The following SERPINB7 variants were observed in gnomAD, a reference collection of about 807,000 sequenced individuals.
The protein encoded by SERPINB7 is serpin B7.
A neutral mutation model predicts 37.4 loss-of-function variants in SERPINB7; 31 were observed. The observed-to-expected ratio is 0.83, with a 90% CI of 0.62 to 1.12. The LOEUF is 1.12. Ranked by LOEUF, SERPINB7 falls within the 50% of genes most tolerant of loss-of-function variation. The pLI, the probability that SERPINB7 is intolerant of heterozygous loss-of-function variation, is 0.00. For synonymous variants in SERPINB7, 163 were observed against 166.1 expected (o/e 0.98, Z 0.14); for missense variants, 521 against 455.3 (o/e 1.14, Z -1.31).
At chr18:63,756,804 T>TTGTG (rs74169985) in intron 1 of SERPINB7, among the ~76,000 whole-genome samples, 22,099 of 137,042 alleles carry the variant, frequency 0.16, 1,788 homozygotes, top group East Asian at 0.23. Flanking sequence ...TTGGGGTAGC[T>TTGTG]TGTGTGTGTG....
intron 2 of SERPINB7, among the ~76,000 whole-genome samples, chr18:63,783,226 G>GAA (rs1568207832): frequency 3.3e-3 from 208 of 62,712 alleles, no homozygotes; most frequent in African/African-American, 5.6e-3. Context: ...GAGAGAGAGA[G>GAA]AGAGAGAGAA....
At chr18:63,768,748 C>T (rs546114037) in intron 1 of SERPINB7, among the ~76,000 whole-genome samples, 2 of 152,184 alleles carry the variant, frequency 1.3e-5, no homozygotes, top group African/African-American at 4.8e-5. Flanking sequence ...CTGCCACCAT[C>T]AATTCATAGA....
At chr18:63,788,307 T>C (rs1403981731) in intron 2 of SERPINB7, among the ~76,000 whole-genome samples, 1 of 152,212 alleles carries the variant, frequency 6.6e-6, no homozygotes, top group Non-Finnish European at 1.5e-5. Context: ...TGACTCTGTG[T>C]AGGCCTAGGC....
intron 1 of SERPINB7, among the ~76,000 whole-genome samples, chr18:63,767,796 A>C (rs1400006241): frequency 6.6e-6 from 1 of 151,990 alleles, no homozygotes; most frequent in Non-Finnish European, 1.5e-5. Flanking sequence ...ACCATCTGGG[A>C]CTTGAGATTT....
chr18:63,758,547 T>A (rs1385088284), intron 1 of SERPINB7, among the ~76,000 whole-genome samples: 2 of 152,180 alleles, frequency 1.3e-5, no homozygotes. Context: ...TGGTCTCAAA[T>A]CCTCTGTATC....
At chr18:63,761,080 C>CCTGGTGT (rs1405898490) in intron 1 of SERPINB7, among the ~76,000 whole-genome samples, 1 of 152,214 alleles carries the variant, frequency 6.6e-6, no homozygotes, top group Non-Finnish European at 1.5e-5. Context: ...GCCACACACA[C>CCTGGTGT]TCAACACCAG....
At chr18:63,764,225 A>G (rs1443137452) in intron 1 of SERPINB7, among the ~76,000 whole-genome samples, 3 of 152,216 alleles carry the variant, frequency 2.0e-5, no homozygotes, top group Non-Finnish European at 4.4e-5. Flanking sequence ...GGGTAGGATT[A>G]TGTGAGGGCA....
chr18:63,766,746 A>G (rs1250746362), intron 1 of SERPINB7, among the ~76,000 whole-genome samples: 4 of 152,054 alleles, frequency 2.6e-5, no homozygotes, highest in Non-Finnish European at 4.4e-5. Flanking sequence ...TACCTTCCCA[A>G]CCCAGCCCTG....
upstream of SERPINB7, among the ~76,000 whole-genome samples, chr18:63,771,773 T>C (rs2049212633): frequency 6.6e-6 from 1 of 152,090 alleles, no homozygotes; most frequent in Non-Finnish European, 1.5e-5. Flanking sequence ...GGACTGTGAT[T>C]TTTTTAAGCA....
intron 6 of SERPINB7, among the ~76,000 whole-genome samples, chr18:63,800,123 T>C (rs1259687407): frequency 6.6e-6 from 1 of 151,952 alleles, no homozygotes; most frequent in Non-Finnish European, 1.5e-5. Flanking sequence ...GTGAACTCAC[T>C]GCTCACTCTA....
At position 63,804,512 on chromosome 18, in the gene SERPINB7, A is replaced by C. The variant is rs986020236; in HGVS notation, c.1020A>C (p.Thr340=). ...AGGGCACCGAGGCTACTGCTGCCAC[A>C]GGAAGTAATATTGTAGAAAAGCAAC... ...TEEGTEATAA[T]GSNIVEKQLP... is the part of the protein sequence containing the mutation. The change falls in exon 8 of 8, where the codon ACA becomes ACC. Residue 340 remains threonine, a synonymous_variant. Transcript: ENST00000398019. 1 of 1,613,836 alleles carries C rather than the reference A, an allele frequency of 6.2e-7. No individual in the cohort carries two copies.
chr18:63,789,724 T>C (rs900834031), intron 2 of SERPINB7, among the ~76,000 whole-genome samples: 2 of 152,250 alleles, frequency 1.3e-5, no homozygotes, highest in African/African-American at 4.8e-5. Context: ...TATTTTCAAG[T>C]AGAGATGTTG....
rs1376676791 is a variant in SERPINB7, at chr18:63,756,802, G to GC, written c.-19+3683dup. Among the ~76,000 whole-genome samples the GC allele has an allele frequency of 3.4e-3, 422 of 124,216 alleles. 17 individuals are homozygous for GC. The East Asian group carries it at 0.079, about 23-fold the overall frequency. The allele number at this position is 124,216 out of a possible 152,430, so 81.5% of individuals were successfully genotyped here. On this transcript the variant is annotated intron_variant, in intron 1 of 7. Coordinates refer to the SERPINB7 transcript ENST00000336429. ...CAGTTGTTTCCAGGGTCTTGGGGTA[G>GC]CTTGTGTGTGTGTGTGTGTGTGTGT...
chr18:63,783,220 G>A (rs374832387), intron 2 of SERPINB7, among the ~76,000 whole-genome samples: 906 of 63,610 alleles, frequency 0.014, 14 homozygotes, highest in East Asian at 0.099. Flanking sequence ...GAGAGAGAGA[G>A]AGAGAGAGAG....
rs1167521382 is a variant in SERPINB7 at position 63,796,159 on chromosome 18, GTTGAACCT to G, written c.337-101_337-94del. The G allele has an allele frequency of 3.3e-5, 20 of 613,038 alleles. No homozygotes were observed. In the Admixed American group the frequency reaches 5.5e-4, roughly 17 times the overall value. The allele number at this position is 613,038 out of a possible 1,614,324, so 38.0% of individuals were successfully genotyped here. ...TTTACATACTCATTTTTGAGGCAGA[GTTGAACCT>G]TTGAATAAAGCAGTCGAAATTAAAA... On this transcript the variant is annotated intron_variant, in intron 4 of 7. Transcript: ENST00000398019.
intron 1 of SERPINB7, among the ~76,000 whole-genome samples, chr18:63,763,670 A>G (rs1424183127): frequency 6.6e-6 from 1 of 152,172 alleles, no homozygotes; most frequent in African/African-American, 2.4e-5. Context: ...TAAATAATAA[A>G]AAGTCAGAGA....
intron 1 of SERPINB7, among the ~76,000 whole-genome samples, chr18:63,776,079 A>T (rs1483307736): frequency 6.6e-6 from 1 of 152,000 alleles, no homozygotes; most frequent in Non-Finnish European, 1.5e-5. Flanking sequence ...GTCCATCAAA[A>T]CCTGCTATCA....
intron 1 of SERPINB7, among the ~76,000 whole-genome samples, chr18:63,754,612 G>C (rs1178619674): frequency 6.6e-6 from 1 of 152,126 alleles, no homozygotes; most frequent in Non-Finnish European, 1.5e-5. Context: ...GGACACGCAG[G>C]TATCAGTCCC....
chr18:63,780,794 G>A (rs765120964), intron 1 of SERPINB7, among the ~76,000 whole-genome samples: 11 of 152,144 alleles, frequency 7.2e-5, no homozygotes, highest in Non-Finnish European at 1.3e-4. Context: ...CTGAAAAACA[G>A]CATCATGTAG....
Sources: allele counts gnomAD v4.1 joint callset (sites outside exome capture counted in the v4.1 genomes callset), GRCh38; gene constraint gnomAD v4.1.1; transcripts MANE v1.5; gene names NCBI Gene and HGNC (gene_info 2026-07-23, HGNC 2026-07-21).